The following LEF1 variants were observed in gnomAD, a reference collection of about 807,000 sequenced individuals.
LEF1 encodes the protein lymphoid enhancer-binding factor 1.
In LEF1, 14 loss-of-function variants were observed where a neutral mutation model predicts 51.2. The observed-to-expected ratio is 0.27, with a 90% CI of 0.18 to 0.43. The LOEUF (loss-of-function observed/expected upper bound fraction) is 0.43, where lower values mean the gene tolerates loss of function less well. LEF1 is among the 20% of genes least tolerant of loss of function. The pLI is 1.00. For synonymous variants in LEF1, 185 were observed against 183.2 expected (o/e 1.01, Z -0.08); for missense variants, 386 against 512.0 (o/e 0.75, Z 2.37).
chr4:108,167,011 CG>C lies in LEF1; in HGVS notation c.213+543del, dbSNP rs1745448556. ...GCCTGCTCCCCGCGGCCCGGCTCAC[CG>C]GTGGTAGGGACGGCCCCGCCTGCCC... is the stretch of plus-strand genomic sequence containing the variant. On this transcript the variant is annotated intron_variant, in intron 1 of 11. Coordinates refer to ENST00000265165, the MANE Select transcript of LEF1 (RefSeq NM_016269.5). This position sits in a 1 kb window ranked among gnomAD's most constrained non-coding sequence, Gnocchi z 5.7. 6.6e-6 allele frequency among the ~76,000 whole-genome samples: 1 copy of C among 152,066 alleles called. No homozygotes were observed. The highest frequency in any genetic ancestry group is 6.5e-5 in the Admixed American group (1 of 15,270).
Position 108,093,347 on chromosome 4 carries a change from T to TAGA in LEF1, c.415-4093_415-4091dup, listed in dbSNP as rs774846227. Among the ~76,000 whole-genome samples the TAGA allele has an allele frequency of 2.2e-3, 329 of 152,306 alleles. 3 individuals are homozygous for TAGA. Among genetic ancestry groups the TAGA allele is most frequent in the Middle Eastern group, 0.01 (3 of 294 alleles). On this transcript the variant is annotated intron_variant, in intron 3 of 11. Coordinates refer to ENST00000265165, the MANE Select transcript of LEF1 (RefSeq NM_016269.5). ...TACACATAGTAAGTACCTCACTTAA[T>TAGA]AGAACCCAAGTCTCCTGATTCCTAC... is the stretch of plus-strand genomic sequence containing the variant.
intron 11 of LEF1, among the ~76,000 whole-genome samples, chr4:108,056,094 G>C (rs1187159668): frequency 6.6e-6 from 1 of 152,222 alleles, no homozygotes; most frequent in Non-Finnish European, 1.5e-5. Context: ...GGCCACAGCT[G>C]ATTATAGATT....
chr4:108,114,633 G>A (rs935210912), intron 3 of LEF1, among the ~76,000 whole-genome samples: 1 of 152,172 alleles, frequency 6.6e-6, no homozygotes, highest in South Asian at 2.1e-4. Flanking sequence ...CAAACTCTGC[G>A]AGCTAAAGAT....
chr4:108,110,546 C>A (rs1479722249), intron 3 of LEF1, among the ~76,000 whole-genome samples: 1 of 152,276 alleles, frequency 6.6e-6, no homozygotes, highest in Admixed American at 6.5e-5. Flanking sequence ...AATGTTCTTT[C>A]TTTCTTTACT....
intron 9 of LEF1, 83 bp from the exon 10 acceptor site, chr4:108,064,467 G>A (rs1453567347): frequency 9.9e-7 from 1 of 1,012,322 alleles, no homozygotes; most frequent in Non-Finnish European, 1.5e-6. Context: ...ACAGGCAGGT[G>A]GTCAACAAAG....
chr4:108,161,126 AG>A (rs1461097951), intron 3 of LEF1, among the ~76,000 whole-genome samples: 1 of 152,236 alleles, frequency 6.6e-6, no homozygotes, highest in Non-Finnish European at 1.5e-5. Context: ...TTAAAGAGCA[AG>A]AAGGCAGAAG....
rs182858498 is a variant in LEF1, at chr4:108,121,232, T to C, written c.415-31975A>G. Among the ~76,000 whole-genome samples the C allele has an allele frequency of 3.8e-4, 58 of 152,368 alleles. No homozygotes were observed. In the East Asian group the frequency reaches 0.011, roughly 28 times the overall value. On this transcript the variant is annotated intron_variant, in intron 3 of 11. Coordinates refer to ENST00000265165, the MANE Select transcript of LEF1 (RefSeq NM_016269.5). ...AGTAACTAAAGAACTTCTACTACAGTTGGTGCCAGGCCATGATTTGTGCTA... is the reference window on the plus strand; with the variant it reads ...AGTAACTAAAGAACTTCTACTACAGCTGGTGCCAGGCCATGATTTGTGCTA...
chr4:108,118,868 T>C (rs753926470), intron 3 of LEF1, among the ~76,000 whole-genome samples: 4 of 152,132 alleles, frequency 2.6e-5, no homozygotes, highest in Non-Finnish European at 5.9e-5. Flanking sequence ...TTGTTTTACA[T>C]AATTTGTTGT....
rs369050854 is a variant in LEF1 at position 108,065,238 on chromosome 4, G to A, written c.1117-854C>T. Among the ~76,000 whole-genome samples, 77 of 152,250 alleles carry A rather than the reference G, an allele frequency of 5.1e-4. 1 individual carries two copies. Among genetic ancestry groups the A allele is most frequent in the African/African-American group, 1.7e-3 (70 of 41,530 alleles). On this transcript the variant is annotated intron_variant, in intron 9 of 11. Transcript: ENST00000265165. ...GTGGTGGCTCACACCTGTAATCCCG[G>A]CACTTCAGGAAGCCGAGGTGAGCAG...
rs767105917 is a variant in LEF1 at position 108,079,603 on chromosome 4, T to C, written c.734A>G (p.His245Arg). The C allele has an allele frequency of 6.2e-7, 1 of 1,614,026 alleles. No homozygotes were observed. The highest frequency in any genetic ancestry group is 8.5e-7 in the Non-Finnish European group (1 of 1,179,990). ...VDTSMSRFSH[H>R]MIPGPPGPHT... ...GGGACCAGGAGGACCGGGAATCATA[T>C]GATGGGAAAACCTGAAAGGAGGAAA... The change falls in exon 7 of 12, where the codon CAT becomes CGT. Residue 245 changes from histidine to arginine, a missense_variant. Physicochemically the swap from His to Arg is conservative, Grantham distance 29. Around this residue, in one of 2 missense-constraint regions of LEF1, gnomAD observed 335 missense variants for 390.7 expected, o/e 0.86. Coordinates refer to ENST00000265165, the MANE Select transcript of LEF1 (RefSeq NM_016269.5).
intron 9 of LEF1, among the ~76,000 whole-genome samples, chr4:108,067,069 A>G (rs1738128105): frequency 6.6e-6 from 1 of 152,248 alleles, no homozygotes; most frequent in African/African-American, 2.4e-5. Flanking sequence ...TTTAAAGAAC[A>G]GTATCTTTAG....
At chr4:108,113,996 GT>G (rs955088421) in intron 3 of LEF1, among the ~76,000 whole-genome samples, 8 of 151,926 alleles carry the variant, frequency 5.3e-5, no homozygotes, top group African/African-American at 1.7e-4. Context: ...GCAATCTGGA[GT>G]TTTTTTTAAG....
At position 108,134,692 on chromosome 4, in the gene LEF1, C is replaced by G. The variant is rs1161108650; in HGVS notation, c.414+28876G>C. On this transcript the variant is annotated intron_variant, in intron 3 of 11. Coordinates refer to ENST00000265165, the MANE Select transcript of LEF1 (RefSeq NM_016269.5). ...ACATCTGATGGTTTGCATGCATACT[C>G]TCCATTCCTCACTCTGCTCTATGAA... is the stretch of plus-strand genomic sequence containing the variant. 2.0e-5 allele frequency among the ~76,000 whole-genome samples: 3 copies of G among 152,254 alleles called. 1 individual carries two copies. Among genetic ancestry groups the G allele is most frequent in the South Asian group, 4.1e-4 (2 of 4,832 alleles).
At chr4:108,150,325 T>G (rs1049148535) in intron 3 of LEF1, among the ~76,000 whole-genome samples, 16 of 152,192 alleles carry the variant, frequency 1.1e-4, no homozygotes, top group African/African-American at 3.6e-4. Flanking sequence ...GCTATTTGAT[T>G]AATCTGTTTA....
chr4:108,121,713 G>A (rs1742191325), intron 3 of LEF1, among the ~76,000 whole-genome samples: 1 of 152,168 alleles, frequency 6.6e-6, no homozygotes, highest in Non-Finnish European at 1.5e-5. Flanking sequence ...ACTAGTCCCT[G>A]CCTGCACTGT....
chr4:108,055,834 G>A (rs1405702856), intron 11 of LEF1, among the ~76,000 whole-genome samples: 1 of 152,180 alleles, frequency 6.6e-6, no homozygotes, highest in Non-Finnish European at 1.5e-5. Flanking sequence ...TCATTAAGGA[G>A]AGAAAAGATA....
chr4:108,083,464 G>C lies in LEF1; in HGVS notation c.548-18C>G. 1 of 1,516,162 alleles carries C rather than the reference G, an allele frequency of 6.6e-7. No individual in the cohort carries two copies. Among genetic ancestry groups the C allele is most frequent in the South Asian group, 1.2e-5 (1 of 86,434 alleles). 93.9% of individuals were successfully genotyped at this position (1,516,162 alleles called of 1,614,324 possible). ...GGACATGCCTGTTAAACAGAACAGAGAGGTATCATTTACAGATTCACAGGA... is the reference window on the plus strand; with the variant it reads ...GGACATGCCTGTTAAACAGAACAGACAGGTATCATTTACAGATTCACAGGA... On this transcript the variant is annotated intron_variant, in intron 4 of 11. Coordinates refer to ENST00000265165, the MANE Select transcript of LEF1 (RefSeq NM_016269.5).
intron 3 of LEF1, among the ~76,000 whole-genome samples, chr4:108,093,974 T>A (rs1740217387): frequency 1.3e-5 from 2 of 152,170 alleles, no homozygotes; most frequent in African/African-American, 4.8e-5. Flanking sequence ...ATTATCCCCC[T>A]TTTACAGATG....
At chr4:108,061,520 G>A (rs1046798915) in intron 11 of LEF1, among the ~76,000 whole-genome samples, 1 of 152,104 alleles carries the variant, frequency 6.6e-6, no homozygotes, top group Admixed American at 6.5e-5. Context: ...AAACAGAAGT[G>A]AGGTAAATCG....
Sources: allele counts gnomAD v4.1 joint callset (sites outside exome capture counted in the v4.1 genomes callset), GRCh38; gene constraint gnomAD v4.1.1; regional missense constraint gnomAD v4.1.1; non-coding constraint Gnocchi (gnomAD v3.1); transcripts MANE v1.5; gene names NCBI Gene and HGNC (gene_info 2026-07-23, HGNC 2026-07-21).